PACRGL: variants seen among roughly 807,000 people sequenced by gnomAD.
The protein encoded by PACRGL is PACRG-like protein.
A neutral mutation model predicts 34.5 loss-of-function variants in PACRGL; 38 were observed. The observed-to-expected ratio is 1.10, with a 90% CI of 0.85 to 1.44. The LOEUF is 1.44. Ranked by LOEUF, PACRGL falls within the 40% of genes most tolerant of loss-of-function variation. PACRGL has a pLI of 0.00. For synonymous variants in PACRGL, 128 were observed against 100.1 expected, an observed-to-expected ratio of 1.28 and a Z score of -1.66; for missense variants, 305 against 281.4, an observed-to-expected ratio of 1.08 and a Z score of -0.60.
At chr4:20,701,024 G>A (rs1731926653) in intron 1 of PACRGL, among the ~76,000 whole-genome samples, 1 of 152,030 alleles carries the variant, frequency 6.6e-6, no homozygotes, top group African/African-American at 2.4e-5. Flanking sequence ...AAAGGGACTG[G>A]GATAAGTGAC....
chr4:20,760,461 CAGTT>C, the PACRGL span, among the ~76,000 whole-genome samples: 425 of 152,244 alleles, frequency 2.8e-3, 4 homozygotes, highest in African/African-American at 9.8e-3. Context: ...TCCAGTGAGT[CAGTT>C]ACTCAACTGT....
In PACRGL at chr4:20,725,443, A is replaced by G. The variant is rs540631055; in HGVS notation, c.690+555A>G. 7.2e-5 allele frequency among the ~76,000 whole-genome samples: 11 copies of G among 152,278 alleles called. No homozygotes were observed. In the South Asian group the frequency reaches 2.3e-3, roughly 32 times the overall value. On this transcript the variant is annotated intron_variant, in intron 8 of 8. Coordinates refer to ENST00000503585, the MANE Select transcript of PACRGL (RefSeq NM_001258345.3). ...TATTCTAACTTTTCAAGGTACAAAA[A>G]TATGGAGGATTTCATAACTGTATGG...
chr4:20,761,724 T>C, the PACRGL span, among the ~76,000 whole-genome samples: 2 of 152,202 alleles, frequency 1.3e-5, no homozygotes, highest in African/African-American at 4.8e-5. Context: ...ATAGATATAA[T>C]GTGAAATGAA....
Position 20,704,680 on chromosome 4 carries a change from T to C in PACRGL, c.73T>C (p.Ser25Pro). The C allele has an allele frequency of 6.2e-7, 1 of 1,614,094 alleles. No homozygotes were observed. The highest frequency in any genetic ancestry group is 1.3e-5 in the African/African-American group (1 of 75,022). Residue 25 changes from serine to proline, a missense_variant, in exon 3 of 9, where the codon TCA becomes CCA. Transcript: ENST00000503585. ...TCCAGGTAACTATGATCAAAGGACA[T>C]CATCAAGCACACAGTTAAAACACAG... ...RATGNYDQRT[S>P]SSTQLKHRNA... is the part of the protein sequence containing the mutation.
At chr4:20,761,172 G>C in the PACRGL span, among the ~76,000 whole-genome samples, 1 of 152,084 alleles carries the variant, frequency 6.6e-6, no homozygotes, top group Admixed American at 6.6e-5. Context: ...TTGTTCACCA[G>C]CACCCTGCCT....
Position 20,730,234 on chromosome 4 carries a change from C to T in PACRGL, c.*2893C>T, listed in dbSNP as rs1747681777. The stretch of plus-strand genomic sequence containing the variant: ...TCCTCCCATCAACCACCTCAACCAC[C>T]TATGCCAAAAGCTCAAATATTAAGT... On this transcript the variant is annotated 3_prime_UTR_variant, in exon 9 of 9. Coordinates refer to ENST00000503585, the MANE Select transcript of PACRGL (RefSeq NM_001258345.3). 1 of 1,363,258 alleles carries T rather than the reference C, an allele frequency of 7.3e-7. No individual in the cohort carries two copies. The highest frequency in any genetic ancestry group is 9.8e-7 in the Non-Finnish European group (1 of 1,022,552). The allele number at this position is 1,363,258 out of a possible 1,614,324, so 84.4% of individuals were successfully genotyped here.
chr4:20,751,145 A>C (rs945540074), intron 8 of PACRGL, among the ~76,000 whole-genome samples: 36 of 152,220 alleles, frequency 2.4e-4, no homozygotes, highest in African/African-American at 7.7e-4. Flanking sequence ...TGACAGTGGC[A>C]TCTTCGCTCA....
intron 7 of PACRGL, among the ~76,000 whole-genome samples, chr4:20,721,849 A>G (rs1560356375): frequency 6.6e-6 from 1 of 152,182 alleles, no homozygotes. Context: ...CTCTCTTCAA[A>G]GCTGTCAGAC....
Position 20,730,431 on chromosome 4 carries a change from TAC to T in PACRGL, c.*3092_*3093del, listed in dbSNP as rs530205763. 8.3e-4 allele frequency among the ~76,000 whole-genome samples: 126 copies of T among 152,164 alleles called. 2 individuals are homozygous for T. In the South Asian group the frequency reaches 0.025, roughly 30 times the overall value. ...CAAATCATAATGCCAAAATGGAAAC[TAC>T]AGAGGTGCAGAGGTGTGTCAAAGCA... On this transcript the variant is annotated 3_prime_UTR_variant, in exon 9 of 9. Transcript: ENST00000503585.
intron 7 of PACRGL, 86 bp downstream of exon 7, chr4:20,713,625 T>TC (rs1468341916): frequency 8.7e-7 from 1 of 1,148,632 alleles, no homozygotes; most frequent in Admixed American, 1.9e-5. Context: ...TTTCAAATCT[T>TC]CAACTCAAAA....
chr4:20,720,345 GT>G (rs1387143500), intron 7 of PACRGL, among the ~76,000 whole-genome samples: 10 of 152,096 alleles, frequency 6.6e-5, no homozygotes, highest in Admixed American at 6.5e-4. Flanking sequence ...GGTTAGTATT[GT>G]TTTGTGTGAA....
chr4:20,704,871 T>C, intron 3 of PACRGL, 57 bp downstream of exon 3: 1 of 1,567,676 alleles, frequency 6.4e-7, no homozygotes, highest in Non-Finnish European at 8.8e-7. Context: ...TCGCACAGTA[T>C]TGAACAATGC....
At chr4:20,722,485 G>C (rs142639027) in intron 7 of PACRGL, among the ~76,000 whole-genome samples, 47 of 152,284 alleles carry the variant, frequency 3.1e-4, no homozygotes, top group Non-Finnish European at 5.0e-4. Context: ...TCTTCATGCA[G>C]TGTTTACTTC....
Position 20,732,362 on chromosome 4 carries a change from A to G in PACRGL, c.*5021A>G, listed in dbSNP as rs1748522678. Among the ~76,000 whole-genome samples, 1 of 152,126 alleles carries G rather than the reference A, an allele frequency of 6.6e-6. No homozygotes were observed. Among genetic ancestry groups the G allele is most frequent in the African/African-American group, 2.4e-5 (1 of 41,436 alleles). On this transcript the variant is annotated 3_prime_UTR_variant, in exon 9 of 9. Transcript: ENST00000503585. ...TTGCGCAATTTGCTGAAACTTTCAG[A>G]GCTTGCTTTTTGTCTCATCTGTAAA...
At position 20,709,688 on chromosome 4, in the gene PACRGL, T is replaced by C. The variant is rs762458469; in HGVS notation, c.281T>C (p.Val94Ala). Residue 94 changes from valine (V) to alanine (A), a missense_variant, in exon 5 of 9, where the codon GTA (valine) becomes GCA (alanine). Val to Ala is a moderately conservative substitution (Grantham distance 64). Transcript: ENST00000503585. Reference sequence around the variant, plus strand: ...CACTAACTTTTATATTTTAGATTGGTACATGGTTCAGTAAAACACAGATTA... The same window carrying C: ...CACTAACTTTTATATTTTAGATTGGCACATGGTTCAGTAAAACACAGATTA... ...YSKGGIPCRL[V>A]HGSVKHRLQW... is the part of the protein sequence containing the mutation. 72 of 1,594,740 alleles carry C rather than the reference T, an allele frequency of 4.5e-5. No individual in the cohort carries two copies. Among genetic ancestry groups the C allele is most frequent in the Non-Finnish European group, 5.9e-5 (69 of 1,166,116 alleles).
At chr4:20,724,998 T>G in intron 8 of PACRGL, 110 bp downstream of exon 8, 5 of 575,172 alleles carry the variant, frequency 8.7e-6, no homozygotes, top group Non-Finnish European at 1.3e-5. Context: ...CACAGGTAAC[T>G]ATGTGAAATT....
At chr4:20,708,631 C>T (rs35192095) in intron 4 of PACRGL, among the ~76,000 whole-genome samples, 30,755 of 151,614 alleles carry the variant, frequency 0.2, 3,425 homozygotes, top group East Asian at 0.42. Flanking sequence ...CTTATTGTTG[C>T]AAAAATGTAA....
At chr4:20,763,627 T>TA in the PACRGL span, among the ~76,000 whole-genome samples, 1,359 of 152,340 alleles carry the variant, frequency 8.9e-3, 24 homozygotes, top group African/African-American at 0.031. Flanking sequence ...TGCAGATTTG[T>TA]AAAGAGTTTG....
Position 20,729,845 on chromosome 4 carries a change from CACAGAGTATGAAATG to C in PACRGL, c.*2506_*2520del. The C allele has an allele frequency of 2.5e-6, 1 of 394,080 alleles. No individual in the cohort carries two copies. Among genetic ancestry groups the C allele is most frequent in the Non-Finnish European group, 4.5e-6 (1 of 222,582 alleles). 24.4% of individuals were successfully genotyped at this position (394,080 alleles called of 1,614,324 possible). ...CCAGATTCTATTACTTTTGAATATTCACAGAGTATGAAATGAGTTAGACCATCCCCTGAACTCAGT... is the reference window on the plus strand; with the variant it reads ...CCAGATTCTATTACTTTTGAATATTCAGTTAGACCATCCCCTGAACTCAGT... On this transcript the variant is annotated 3_prime_UTR_variant, in exon 9 of 9. Transcript: ENST00000503585.
Sources: gnomAD v4.1 joint callset for allele counts (sites outside exome capture counted in the v4.1 genomes callset) on GRCh38, gnomAD v4.1.1 for gene constraint, MANE v1.5 for transcripts, NCBI Gene and HGNC (gene_info 2026-07-23, HGNC 2026-07-21) for gene names.